The following EXOC2 variants were observed in gnomAD, a reference collection of about 807,000 sequenced individuals.
EXOC2 encodes the protein exocyst complex component 2, also known as SEC5-like 1.
Under a neutral mutation model 131.8 loss-of-function variants are expected in EXOC2, and 70 were observed. That is an observed-to-expected ratio of 0.53 (90% CI 0.44 to 0.65). EXOC2 has a LOEUF of 0.65. Among genes scored for constraint, EXOC2 ranks in the 30% least tolerant of loss-of-function variants. EXOC2 has a pLI of 0.00. For synonymous variants in EXOC2, 411 were observed against 398.4 expected (o/e 1.03, Z -0.38); for missense variants, 923 against 1,108.6 (o/e 0.83, Z 2.38).
intron 23 of EXOC2, among the ~76,000 whole-genome samples, chr6:505,805 C>T (rs947726472): frequency 2.0e-5 from 3 of 152,196 alleles, no homozygotes; most frequent in Admixed American, 1.3e-4. Context: ...GAGGTTGGCA[C>T]ACAGATGGCA....
At chr6:635,402 G>T (rs9378443) in intron 2 of EXOC2, among the ~76,000 whole-genome samples, 107,753 of 152,118 alleles carry the variant, frequency 0.71, 38,800 homozygotes, top group Middle Eastern at 0.88. Flanking sequence ...TTTAATATCT[G>T]TTGTGCATTT....
intron 11 of EXOC2, among the ~76,000 whole-genome samples, chr6:590,461 C>T (rs537223468): frequency 3.3e-5 from 5 of 152,254 alleles, no homozygotes; most frequent in South Asian, 2.1e-4. Flanking sequence ...AAAGAAACAA[C>T]GGCGACCTCT....
chr6:622,861 T>C (rs938070837), intron 4 of EXOC2, among the ~76,000 whole-genome samples: 1 of 152,212 alleles, frequency 6.6e-6, no homozygotes, highest in African/African-American at 2.4e-5. Flanking sequence ...TAAACTCTGG[T>C]AACATCTCAC....
At position 686,912 on chromosome 6, in the gene EXOC2, A is replaced by C. The variant is rs181633429; in HGVS notation, c.-44+6107T>G. Among the ~76,000 whole-genome samples, 234 of 152,296 alleles carry C rather than the reference A, an allele frequency of 1.5e-3. 2 individuals carry two copies. Among genetic ancestry groups the C allele is most frequent in the African/African-American group, 5.4e-3 (223 of 41,564 alleles). Reference sequence around the variant, plus strand: ...ACCCCCAACAAATAAATGAAGACAAAAACTTCAAAGAAGATACACTACTTA... The same window carrying C: ...ACCCCCAACAAATAAATGAAGACAACAACTTCAAAGAAGATACACTACTTA... On this transcript the variant is annotated intron_variant, in intron 1 of 27. Transcript: ENST00000230449.
At chr6:549,875 G>A (rs1010332033) in intron 21 of EXOC2, among the ~76,000 whole-genome samples, 2 of 152,190 alleles carry the variant, frequency 1.3e-5, no homozygotes, top group African/African-American at 4.8e-5. Flanking sequence ...GGTCACTGAG[G>A]GTGGAGGACT....
At chr6:668,115 T>C (rs539339042) in intron 1 of EXOC2, among the ~76,000 whole-genome samples, 1 of 152,346 alleles carries the variant, frequency 6.6e-6, no homozygotes, top group South Asian at 2.1e-4. Flanking sequence ...GCAACTGGAA[T>C]AGGATATGTC....
chr6:636,236 T>A (rs1459291342), intron 2 of EXOC2, among the ~76,000 whole-genome samples: 1 of 152,222 alleles, frequency 6.6e-6, no homozygotes, highest in African/African-American at 2.4e-5. Context: ...GTGAGTAGAT[T>A]TCTATGCATT....
intron 23 of EXOC2, among the ~76,000 whole-genome samples, chr6:500,182 T>C (rs1763962685): frequency 6.6e-6 from 1 of 152,144 alleles, no homozygotes; most frequent in Non-Finnish European, 1.5e-5. Flanking sequence ...ACATTAAATA[T>C]CAATTATAGC....
chr6:672,204 T>C (rs1196317264), intron 1 of EXOC2, among the ~76,000 whole-genome samples: 1 of 152,214 alleles, frequency 6.6e-6, no homozygotes, highest in Admixed American at 6.5e-5. Flanking sequence ...CTCAGCTATG[T>C]CTGGCCTACT....
At chr6:523,926 G>A (rs1168625933) in intron 23 of EXOC2, among the ~76,000 whole-genome samples, 1 of 152,160 alleles carries the variant, frequency 6.6e-6, no homozygotes, top group East Asian at 1.9e-4. Context: ...ATTATTTGAA[G>A]GTGATGTTTG....
chr6:651,180 G>A (rs1208888409), intron 1 of EXOC2, among the ~76,000 whole-genome samples: 2 of 151,844 alleles, frequency 1.3e-5, no homozygotes, highest in Admixed American at 1.3e-4. Context: ...ACAGGCGCCC[G>A]CCACCATGCC....
chr6:527,166 CA>C (rs1765791210), intron 23 of EXOC2, among the ~76,000 whole-genome samples: 1 of 152,226 alleles, frequency 6.6e-6, no homozygotes, highest in African/African-American at 2.4e-5. Context: ...CAGAGAGCTA[CA>C]TTAAACTTTG....
intron 22 of EXOC2, among the ~76,000 whole-genome samples, chr6:545,879 AAG>A (rs1470021274): frequency 1.3e-5 from 2 of 152,224 alleles, no homozygotes; most frequent in African/African-American, 4.8e-5. Context: ...ATAAAGCCAT[AAG>A]ACACATTTTA....
intron 22 of EXOC2, among the ~76,000 whole-genome samples, chr6:547,139 T>C (rs1756907422): frequency 6.6e-6 from 1 of 152,248 alleles, no homozygotes; most frequent in Non-Finnish European, 1.5e-5. Flanking sequence ...AGTGTATGTA[T>C]AAAATCATTC....
intron 17 of EXOC2, among the ~76,000 whole-genome samples, chr6:561,445 AAGGGAAT>A (rs1452870490): frequency 1.1e-4 from 16 of 152,318 alleles, no homozygotes; most frequent in Non-Finnish European, 2.4e-4. Context: ...ATAGAAATTC[AAGGGAAT>A]TTAAAAATAC....
At chr6:685,975 CTTT>C (rs58492950) in intron 1 of EXOC2, among the ~76,000 whole-genome samples, 7 of 131,498 alleles carry the variant, frequency 5.3e-5, no homozygotes, top group Non-Finnish European at 3.2e-5. Context: ...TCCTGGACCT[CTTT>C]TTTTTTTTTT....
intron 11 of EXOC2, among the ~76,000 whole-genome samples, chr6:578,934 A>T (rs1461499581): frequency 6.6e-6 from 1 of 152,198 alleles, no homozygotes; most frequent in Non-Finnish European, 1.5e-5. Context: ...TGAATATCAA[A>T]ATATGAATTT....
chr6:616,124 T>C (rs1760985652), intron 6 of EXOC2, among the ~76,000 whole-genome samples: 1 of 152,222 alleles, frequency 6.6e-6, no homozygotes, highest in South Asian at 2.1e-4. Context: ...CTAGTCTACA[T>C]AGTCCACTGA....
intron 1 of EXOC2, chr6:669,268 C>T (rs1225931134): frequency 6.6e-6 from 1 of 152,338 alleles, no homozygotes; most frequent in East Asian, 1.9e-4. Flanking sequence ...GATAAGGAAC[C>T]TCCTGTGGCC....
Sources: allele counts gnomAD v4.1 joint callset (sites outside exome capture counted in the v4.1 genomes callset), GRCh38; gene constraint gnomAD v4.1.1; transcripts MANE v1.5; gene names NCBI Gene and HGNC (gene_info 2026-07-23, HGNC 2026-07-21).